Variants in PTPRD observed in about 807,000 individuals in gnomAD.
PTPRD encodes receptor-type tyrosine-protein phosphatase delta.
PTPRD carries 34 observed loss-of-function variants against 214.5 expected under a neutral mutation model. That is an observed-to-expected ratio of 0.16 (90% CI 0.12 to 0.21). The LOEUF (loss-of-function observed/expected upper bound fraction) is 0.21. Among genes scored for constraint, PTPRD ranks in the 10% least tolerant of loss-of-function variants. The probability of loss-of-function intolerance (pLI) is 1.00; values close to 1 mark genes in which losing one functional copy is unlikely to be tolerated. For synonymous variants in PTPRD, 1,128 were observed against 845.7 expected, an observed-to-expected ratio of 1.33 and a Z score of -5.79; for missense variants, 2,545 against 2,398.7, an observed-to-expected ratio of 1.06 and a Z score of -1.27.
chr9:9,344,862 C>T (rs950716824), intron 9 of PTPRD, among the ~76,000 whole-genome samples: 1 of 151,738 alleles, frequency 6.6e-6, no homozygotes, highest in Non-Finnish European at 1.5e-5. Context: ...ACCTGTGGGG[C>T]CAATAAATGT....
intron 11 of PTPRD, among the ~76,000 whole-genome samples, chr9:9,000,666 T>A (rs1197057440): frequency 1.3e-5 from 2 of 152,008 alleles, no homozygotes; most frequent in African/African-American, 4.8e-5. Flanking sequence ...GCATAATTGA[T>A]GAATTCTACC....
At chr9:10,462,128 G>A (rs1007014862) in intron 2 of PTPRD, among the ~76,000 whole-genome samples, 1 of 152,058 alleles carries the variant, frequency 6.6e-6, no homozygotes. Context: ...ATATACAGGA[G>A]TTTTGGTAAA....
chr9:8,551,541 C>T (rs2082110524), intron 14 of PTPRD, among the ~76,000 whole-genome samples: 2 of 152,208 alleles, frequency 1.3e-5, no homozygotes, highest in South Asian at 2.1e-4. Flanking sequence ...AGAAGACTAA[C>T]AAGGATGCAA....
At chr9:9,908,973 A>T (rs544126227) in intron 5 of PTPRD, among the ~76,000 whole-genome samples, 1 of 152,038 alleles carries the variant, frequency 6.6e-6, no homozygotes, top group South Asian at 2.1e-4. Flanking sequence ...TTATATAGCA[A>T]GTGGTTTAAA....
intron 11 of PTPRD, among the ~76,000 whole-genome samples, chr9:8,796,618 C>T (rs1000151076): frequency 2.0e-5 from 3 of 151,998 alleles, no homozygotes; most frequent in Non-Finnish European, 1.5e-5. Flanking sequence ...AACTTAAAAG[C>T]CATAACTTAT....
chr9:9,957,857 A>C (rs1473364895), intron 4 of PTPRD, among the ~76,000 whole-genome samples: 1 of 152,104 alleles, frequency 6.6e-6, no homozygotes, highest in Non-Finnish European at 1.5e-5. Flanking sequence ...AACAGAATAG[A>C]AGATTAGCAC....
intron 7 of PTPRD, among the ~76,000 whole-genome samples, chr9:9,726,703 T>C (rs1162209871): frequency 6.6e-6 from 1 of 152,310 alleles, no homozygotes; most frequent in Non-Finnish European, 1.5e-5. Context: ...TGTCTCAACA[T>C]GTTTGTGGAT....
chr9:9,502,308 A>T (rs2096444180), intron 8 of PTPRD, among the ~76,000 whole-genome samples: 1 of 151,722 alleles, frequency 6.6e-6, no homozygotes, highest in East Asian at 1.9e-4. Flanking sequence ...CCACCATTAT[A>T]CGCTCTGCTG....
intron 14 of PTPRD, among the ~76,000 whole-genome samples, chr9:8,545,558 T>A (rs2079841876): frequency 6.6e-6 from 1 of 152,354 alleles, no homozygotes; most frequent in East Asian, 1.9e-4. Context: ...TTCATCACAG[T>A]GATTTTCAGA....
At chr9:9,654,478 A>T (rs1247162231) in intron 7 of PTPRD, among the ~76,000 whole-genome samples, 1 of 152,142 alleles carries the variant, frequency 6.6e-6, no homozygotes, top group Admixed American at 6.6e-5. Flanking sequence ...GCACACAACC[A>T]TTCATAATAA....
intron 11 of PTPRD, among the ~76,000 whole-genome samples, chr9:8,776,000 G>A (rs544331756): frequency 3.3e-5 from 5 of 152,240 alleles, no homozygotes; most frequent in South Asian, 4.1e-4. Context: ...AAAATGCTTC[G>A]AAACTATGAG....
chr9:9,320,424 G>T (rs1025895650), intron 9 of PTPRD, among the ~76,000 whole-genome samples: 3 of 152,124 alleles, frequency 2.0e-5, no homozygotes, highest in Admixed American at 2.0e-4. Context: ...CCTCATTTTA[G>T]AAATATATTA....
Position 10,261,256 on chromosome 9 carries a change from T to A in PTPRD, c.-545+79707A>T, listed in dbSNP as rs185719214. Among the ~76,000 whole-genome samples the A allele has an allele frequency of 4.4e-4, 67 of 151,694 alleles. No homozygotes were observed. In the East Asian group the frequency reaches 0.012, roughly 27 times the overall value. On this transcript the variant is annotated intron_variant, in intron 3 of 45. Transcript: ENST00000381196. ...AACTAGACACCTGCTATCAAATGAA[T>A]CTTAGAATTCACGTGACACATGCTT...
intron 14 of PTPRD, among the ~76,000 whole-genome samples, chr9:8,561,673 G>A (rs1033464485): frequency 2.0e-5 from 3 of 151,946 alleles, no homozygotes; most frequent in African/African-American, 4.8e-5. Flanking sequence ...AAATTCCTGC[G>A]TCAGTGATTC....
chr9:10,547,075 C>A (rs1212727227), intron 2 of PTPRD, among the ~76,000 whole-genome samples: 2 of 152,056 alleles, frequency 1.3e-5, no homozygotes, highest in African/African-American at 4.8e-5. Context: ...GACGCTTTTT[C>A]TCTAAGTGTA....
rs148212941 is a variant in PTPRD at position 9,789,341 on chromosome 9, G to C, written c.-367-22490C>G. On this transcript the variant is annotated intron_variant, in intron 5 of 45. Coordinates refer to ENST00000381196, the MANE Select transcript of PTPRD (RefSeq NM_002839.4). ...TTTCAGTGCGTAACTATTCAAGCTT[G>C]GGAAGTGCACTGGATGTCACATAAG... 5.5e-3 allele frequency among the ~76,000 whole-genome samples: 838 copies of C among 152,226 alleles called. 7 individuals are homozygous for C. Among genetic ancestry groups the C allele is most frequent in the African/African-American group, 0.019 (796 of 41,548 alleles).
chr9:9,894,154 T>A (rs772258153), intron 5 of PTPRD, among the ~76,000 whole-genome samples: 1 of 151,956 alleles, frequency 6.6e-6, no homozygotes, highest in African/African-American at 2.4e-5. Flanking sequence ...CACCTCTATA[T>A]CTCCAAGATA....
intron 10 of PTPRD, among the ~76,000 whole-genome samples, chr9:9,064,170 T>C (rs1294005379): frequency 9.2e-5 from 14 of 152,176 alleles, no homozygotes; most frequent in Admixed American, 9.2e-4. Flanking sequence ...ATAAGAAATG[T>C]ATTTTACATG....
intron 3 of PTPRD, among the ~76,000 whole-genome samples, chr9:10,038,005 A>G (rs1276393516): frequency 2.0e-5 from 3 of 152,176 alleles, no homozygotes; most frequent in Non-Finnish European, 4.4e-5. Context: ...ATCTACAGAC[A>G]TTGATATGTC....
Sources: gnomAD v4.1 joint callset for allele counts (sites outside exome capture counted in the v4.1 genomes callset) on GRCh38, gnomAD v4.1.1 for gene constraint, MANE v1.5 for transcripts, NCBI Gene and HGNC (gene_info 2026-07-23, HGNC 2026-07-21) for gene names.